ARFGEF3: variants seen among roughly 807,000 people sequenced by gnomAD.
The protein encoded by ARFGEF3 is ARFGEF family member 3, also known as brefeldin A-inhibited guanine nucleotide-exchange protein 3.
Under a neutral mutation model 221.7 loss-of-function variants are expected in ARFGEF3, and 96 were observed. That is an observed-to-expected ratio of 0.43 (90% confidence interval 0.37 to 0.51). ARFGEF3 has a LOEUF of 0.51. Among genes scored for constraint, ARFGEF3 ranks in the 20% least tolerant of loss-of-function variants. The pLI is 0.00. For missense variants in ARFGEF3, 2,410 were observed against 2,789.9 expected, an observed-to-expected ratio of 0.86 and a Z score of 3.07; for synonymous variants, 1,145 against 1,126.8, an observed-to-expected ratio of 1.02 and a Z score of -0.32.
At chr6:138,253,829 A>G in intron 8 of ARFGEF3, 51 bp from the exon 9 acceptor site, 2 of 1,418,688 alleles carry the variant, frequency 1.4e-6, no homozygotes, top group Non-Finnish European at 1.9e-6. Context: ...TCACCTCTTT[A>G]ATTTTGCCTT....
At chr6:138,240,022 A>C (rs1481330517) in intron 6 of ARFGEF3, among the ~76,000 whole-genome samples, 1 of 152,164 alleles carries the variant, frequency 6.6e-6, no homozygotes, top group African/African-American at 2.4e-5. Flanking sequence ...AATCTGAAAA[A>C]ACAAATATTG....
chr6:138,323,230 G>A (rs1425539775), intron 29 of ARFGEF3, among the ~76,000 whole-genome samples: 1 of 152,202 alleles, frequency 6.6e-6, no homozygotes, highest in South Asian at 2.1e-4. Context: ...GGATGGTTGA[G>A]AGACAAGGAG....
chr6:138,253,234 A>C (rs1778610595), intron 8 of ARFGEF3, among the ~76,000 whole-genome samples: 1 of 152,158 alleles, frequency 6.6e-6, no homozygotes, highest in Admixed American at 6.5e-5. Flanking sequence ...AAGATTTAAC[A>C]ATAGGTTCAA....
At chr6:138,189,976 T>C (rs1312780831) in intron 2 of ARFGEF3, among the ~76,000 whole-genome samples, 1 of 151,792 alleles carries the variant, frequency 6.6e-6, no homozygotes, top group East Asian at 1.9e-4. Context: ...CTCAGGTACC[T>C]GGGAGACTGA....
chr6:138,245,423 C>G, intron 7 of ARFGEF3, 90 bp from the exon 8 acceptor site: 2 of 869,980 alleles, frequency 2.3e-6, no homozygotes, highest in Non-Finnish European at 3.8e-6. Flanking sequence ...TCTCAAAAAC[C>G]ATCTAAAGTG....
intron 27 of ARFGEF3, 32 bp from the exon 28 acceptor site, chr6:138,319,671 A>G: frequency 6.6e-7 from 1 of 1,526,072 alleles, no homozygotes; most frequent in Non-Finnish European, 8.9e-7. Flanking sequence ...CTTTTATTAC[A>G]GGTTGTTGCT....
intron 32 of ARFGEF3, among the ~76,000 whole-genome samples, chr6:138,333,528 A>G (rs1206341872): frequency 3.3e-5 from 5 of 151,762 alleles, no homozygotes; most frequent in African/African-American, 9.7e-5. Context: ...TGCAAGCTCC[A>G]CCTCCCGGGT....
intron 4 of ARFGEF3, chr6:138,218,303 G>T: frequency 6.3e-7 from 1 of 1,580,316 alleles, no homozygotes; most frequent in Non-Finnish European, 8.6e-7. Context: ...GCCTTGGGAA[G>T]TTACTTAATC....
At chr6:138,306,001 A>G (rs1018838316) in intron 22 of ARFGEF3, among the ~76,000 whole-genome samples, 1 of 152,186 alleles carries the variant, frequency 6.6e-6, no homozygotes, top group African/African-American at 2.4e-5. Context: ...TGCTCATTGT[A>G]TAAAGAAATT....
chr6:138,267,357 G>A (rs969632090), intron 12 of ARFGEF3, among the ~76,000 whole-genome samples: 5 of 151,796 alleles, frequency 3.3e-5, no homozygotes, highest in African/African-American at 7.3e-5. Flanking sequence ...CCCAGGAGGC[G>A]GAGGTTGCAG....
intron 4 of ARFGEF3, among the ~76,000 whole-genome samples, chr6:138,221,265 T>C (rs974523639): frequency 1.3e-5 from 2 of 152,222 alleles, no homozygotes; most frequent in Non-Finnish European, 2.9e-5. Flanking sequence ...ATTGGTCATT[T>C]CAAGCTAATG....
intron 22 of ARFGEF3, among the ~76,000 whole-genome samples, chr6:138,301,016 G>T (rs1190923164): frequency 6.6e-6 from 1 of 152,112 alleles, no homozygotes; most frequent in African/African-American, 2.4e-5. Flanking sequence ...ACATGTCATT[G>T]AAAACAAAAG....
intron 4 of ARFGEF3, among the ~76,000 whole-genome samples, chr6:138,222,871 C>G (rs1395545930): frequency 6.6e-6 from 1 of 152,192 alleles, no homozygotes; most frequent in East Asian, 1.9e-4. Flanking sequence ...TCATCCTCCT[C>G]CCTCCCCCAT....
At chr6:138,214,781 CA>C (rs1777803687) in intron 4 of ARFGEF3, among the ~76,000 whole-genome samples, 4 of 152,220 alleles carry the variant, frequency 2.6e-5, no homozygotes, top group Admixed American at 2.6e-4. Context: ...GACTTTCAAT[CA>C]GAGGGTTAAA....
At chr6:138,250,973 C>T (rs1463229604) in intron 8 of ARFGEF3, among the ~76,000 whole-genome samples, 5 of 152,156 alleles carry the variant, frequency 3.3e-5, no homozygotes, top group Non-Finnish European at 5.9e-5. Flanking sequence ...TGCGTACGTG[C>T]GTGTGTGTAT....
intron 2 of ARFGEF3, among the ~76,000 whole-genome samples, chr6:138,173,814 G>C (rs1199689573): frequency 6.6e-6 from 1 of 152,154 alleles, no homozygotes. Flanking sequence ...CCAGATGAGA[G>C]ACTATGGATG....
At chr6:138,214,362 C>G (rs1263310416) in intron 4 of ARFGEF3, among the ~76,000 whole-genome samples, 1 of 152,120 alleles carries the variant, frequency 6.6e-6, no homozygotes, top group Non-Finnish European at 1.5e-5. Context: ...TAAAAATCTT[C>G]CAGTCATTTT....
chr6:138,263,917 T>A (rs182038055), intron 12 of ARFGEF3, among the ~76,000 whole-genome samples: 12 of 152,336 alleles, frequency 7.9e-5, no homozygotes, highest in Admixed American at 4.6e-4. Flanking sequence ...CAATCTGTAA[T>A]TCTTAAAACA....
chr6:138,324,444 C>A (rs560550209), intron 31 of ARFGEF3, among the ~76,000 whole-genome samples: 15 of 152,300 alleles, frequency 9.8e-5, no homozygotes, highest in African/African-American at 3.6e-4. Flanking sequence ...GCTTGAGCTA[C>A]CTGTAAGTAT....
Sources: allele counts gnomAD v4.1 joint callset (sites outside exome capture counted in the v4.1 genomes callset), GRCh38; gene constraint gnomAD v4.1.1; transcripts MANE v1.5; gene names NCBI Gene and HGNC (gene_info 2026-07-23, HGNC 2026-07-21).